The following CERK variants were observed in gnomAD, a reference collection of about 807,000 sequenced individuals.
The protein encoded by CERK is ceramide kinase, also known as acylsphingosine kinase.
CERK carries 39 observed loss-of-function variants against 63.4 expected under a neutral mutation model. The observed-to-expected ratio is 0.61, with a 90% CI of 0.48 to 0.80. The LOEUF is 0.80. Among genes scored for constraint, CERK ranks in the 30% least tolerant of loss-of-function variants. The pLI, the probability that CERK is intolerant of heterozygous loss-of-function variation, is 0.00. For missense variants in CERK, 670 were observed against 714.1 expected (o/e 0.94, Z 0.70); for synonymous variants, 302 against 280.0 (o/e 1.08, Z -0.78).
rs565695697 is a variant in CERK at position 46,711,366 on chromosome 22, C to A, written c.506-217G>T. On this transcript the variant is annotated intron_variant, in intron 4 of 12. Coordinates refer to ENST00000216264, the MANE Select transcript of CERK (RefSeq NM_022766.6). ...AACCTCTCTCGGGCCACAGTCTGCG[C>A]GATGACATGCAGCGTTCCTGGTATT... Among the ~76,000 whole-genome samples, 12 of 152,246 alleles carry A rather than the reference C, an allele frequency of 7.9e-5. No homozygotes were observed. In the East Asian group the frequency reaches 1.7e-3, roughly 22 times the overall value.
At chr22:46,708,737 T>A (rs754350057) in intron 5 of CERK, among the ~76,000 whole-genome samples, 3 of 152,152 alleles carry the variant, frequency 2.0e-5, no homozygotes, top group Admixed American at 2.0e-4. Context: ...GAGACAGACA[T>A]GTCACTGCAG....
rs151006192 is a variant in CERK at position 46,720,808 on chromosome 22, T to C, written c.256+94A>G. On this transcript the variant is annotated intron_variant, in intron 2 of 12. Coordinates refer to ENST00000216264, the MANE Select transcript of CERK (RefSeq NM_022766.6). Reference sequence around the variant, plus strand: ...GATTTCATAAAGATAAACCAATGCATTGAGCTTGTTAAACAAGTAACAGAA... The same window carrying C: ...GATTTCATAAAGATAAACCAATGCACTGAGCTTGTTAAACAAGTAACAGAA... The C allele has an allele frequency of 3.9e-4, 300 of 772,778 alleles. No homozygotes were observed. The African/African-American group carries it at 4.7e-3, about 12-fold the overall frequency. 47.9% of individuals were successfully genotyped at this position (772,778 alleles called of 1,614,324 possible). A position where few individuals can be genotyped will look rare whatever the true frequency, so the allele number is the denominator to read the frequency against.
chr22:46,701,996 C>A (rs887817829), intron 6 of CERK, among the ~76,000 whole-genome samples: 4 of 152,012 alleles, frequency 2.6e-5, no homozygotes, highest in Non-Finnish European at 5.9e-5. Flanking sequence ...GCCTGGCCAA[C>A]ATGGTGAAAC....
At chr22:46,737,095 A>G (rs1277350975) in intron 1 of CERK, among the ~76,000 whole-genome samples, 1 of 152,172 alleles carries the variant, frequency 6.6e-6, no homozygotes, top group Non-Finnish European at 1.5e-5. Context: ...GGAATTCAAG[A>G]CCAGCCTGGC....
chr22:46,724,758 A>G lies in CERK; in HGVS notation c.143-3743T>C, dbSNP rs150080087. Among the ~76,000 whole-genome samples, 957 of 152,182 alleles carry G rather than the reference A, an allele frequency of 6.3e-3. 26 individuals are homozygous for G. Among genetic ancestry groups the G allele is most frequent in the Admixed American group, 0.051 (786 of 15,270 alleles). The stretch of plus-strand genomic sequence containing the variant: ...GGCTCAGCAGGGCGGGGTGGCTCAC[A>G]CCTGTAATCCCTGCACTTTGGGAGG... On this transcript the variant is annotated intron_variant, in intron 1 of 12. Transcript: ENST00000216264.
At chr22:46,736,777 C>T (rs1354392496) in intron 1 of CERK, among the ~76,000 whole-genome samples, 1 of 152,158 alleles carries the variant, frequency 6.6e-6, no homozygotes, top group Non-Finnish European at 1.5e-5. Context: ...CCCCACCTAA[C>T]GTTCAACTCT....
intron 5 of CERK, among the ~76,000 whole-genome samples, chr22:46,710,882 C>T (rs1332645029): frequency 1.3e-5 from 2 of 152,204 alleles, no homozygotes; most frequent in Non-Finnish European, 2.9e-5. Flanking sequence ...ACCATTCTCG[C>T]CCAGCCCAGC....
Position 46,685,320 on chromosome 22 carries a change from C to G in CERK, c.*1814G>C, listed in dbSNP as rs1483821998. 6.6e-6 allele frequency: 1 copy of G among 152,516 alleles called. No homozygotes were observed. Among genetic ancestry groups the G allele is most frequent in the South Asian group, 2.1e-4 (1 of 4,832 alleles). The allele number at this position is 152,516 out of a possible 1,614,324, so 9.4% of individuals were successfully genotyped here. On this transcript the variant is annotated 3_prime_UTR_variant, in exon 13 of 13. Transcript: ENST00000216264. Reference sequence around the variant, plus strand: ...TCCTGACCTTAGGTGATCCACCCGCCTCGGCCTCCCAAAGTGCTGGGATTA... The same window carrying G: ...TCCTGACCTTAGGTGATCCACCCGCGTCGGCCTCCCAAAGTGCTGGGATTA...
At chr22:46,708,671 G>A (rs1156912123) in intron 5 of CERK, among the ~76,000 whole-genome samples, 3 of 152,208 alleles carry the variant, frequency 2.0e-5, no homozygotes, top group East Asian at 1.9e-4. Flanking sequence ...GTCCTATGCC[G>A]GGGGTAACCC....
chr22:46,709,470 C>A (rs1263004367), intron 5 of CERK, among the ~76,000 whole-genome samples: 1 of 152,112 alleles, frequency 6.6e-6, no homozygotes, highest in Non-Finnish European at 1.5e-5. Context: ...TTCCTGGAGC[C>A]CATGAACAGA....
chr22:46,726,121 G>A (rs887426873), intron 1 of CERK, among the ~76,000 whole-genome samples: 14 of 152,256 alleles, frequency 9.2e-5, no homozygotes, highest in East Asian at 5.8e-4. Flanking sequence ...ATGGGTGCAC[G>A]TGTGTGGGCA....
intron 3 of CERK, among the ~76,000 whole-genome samples, chr22:46,713,349 A>G (rs1360417869): frequency 6.6e-6 from 1 of 151,584 alleles, no homozygotes; most frequent in African/African-American, 2.4e-5. Context: ...CTAAAAAAAA[A>G]TACAAAAAAA....
At chr22:46,687,275 C>T (rs1175127784) in intron 12 of CERK, 69 bp from the exon 13 acceptor site, 1 of 1,266,626 alleles carries the variant, frequency 7.9e-7, no homozygotes, top group African/African-American at 1.6e-5. Flanking sequence ...AGCCCCACTC[C>T]TGGACAGGGG....
intron 5 of CERK, among the ~76,000 whole-genome samples, chr22:46,710,174 A>G (rs539375958): frequency 5.9e-5 from 9 of 152,352 alleles, no homozygotes; most frequent in African/African-American, 2.2e-4. Flanking sequence ...CATGCCTGTA[A>G]TCCCAGCACT....
At chr22:46,700,014 G>A (rs995490347) in intron 7 of CERK, among the ~76,000 whole-genome samples, 2 of 152,122 alleles carry the variant, frequency 1.3e-5, no homozygotes, top group Non-Finnish European at 2.9e-5. Context: ...GCTTGAACCC[G>A]GGAGGCGGAG....
intron 1 of CERK, among the ~76,000 whole-genome samples, chr22:46,721,344 G>A (rs2082891578): frequency 1.3e-5 from 2 of 152,074 alleles, no homozygotes; most frequent in Admixed American, 6.6e-5. Context: ...CCAGGCTGGA[G>A]TGCAGTGGTT....
intron 6 of CERK, among the ~76,000 whole-genome samples, chr22:46,702,989 A>AAGGAC (rs762104834): frequency 2.6e-5 from 4 of 152,086 alleles, no homozygotes; most frequent in African/African-American, 4.8e-5. Context: ...TTCACGCGAG[A>AAGGAC]AGGACGGGGC....
Position 46,699,155 on chromosome 22 carries a change from G to C in CERK, c.943+158C>G, listed in dbSNP as rs147112411. 2.0e-5 allele frequency among the ~76,000 whole-genome samples: 3 copies of C among 152,262 alleles called. 1 individual carries two copies. In the South Asian group the frequency reaches 6.2e-4, roughly 32 times the overall value. On this transcript the variant is annotated intron_variant, in intron 8 of 12. Coordinates refer to ENST00000216264, the MANE Select transcript of CERK (RefSeq NM_022766.6). ...CAGGTTCCAGTCCAGACCCTGCCAC[G>C]TTCTGGCCCCGGCACATTTCATGAG...
intron 1 of CERK, among the ~76,000 whole-genome samples, chr22:46,729,947 G>A (rs1282540809): frequency 6.6e-6 from 1 of 151,988 alleles, no homozygotes; most frequent in Non-Finnish European, 1.5e-5. Flanking sequence ...GCTGAGGCAG[G>A]AGAATGGCGT....
Sources: gnomAD v4.1 joint callset for allele counts (sites outside exome capture counted in the v4.1 genomes callset) on GRCh38, gnomAD v4.1.1 for gene constraint, MANE v1.5 for transcripts, NCBI Gene and HGNC (gene_info 2026-07-23, HGNC 2026-07-21) for gene names.